The following SH3PXD2A variants were observed in gnomAD, a reference collection of about 807,000 sequenced individuals.
SH3PXD2A encodes SH3 and PX domains 2A.
SH3PXD2A carries 32 observed loss-of-function variants against 115.2 expected under a neutral mutation model. The ratio of observed to expected loss-of-function variants is 0.28; its 90% CI spans 0.21 to 0.37. The LOEUF (loss-of-function observed/expected upper bound fraction) is 0.37. Among genes scored for constraint, SH3PXD2A ranks in the 10% least tolerant of loss-of-function variants. SH3PXD2A has a pLI of 1.00. For missense variants in SH3PXD2A, 1,328 were observed against 1,498.7 expected (o/e 0.89, Z 1.88); for synonymous variants, 610 against 629.1 (o/e 0.97, Z 0.45).
At chr10:103,727,700 C>T (rs767674106) in intron 4 of SH3PXD2A, among the ~76,000 whole-genome samples, 2 of 152,218 alleles carry the variant, frequency 1.3e-5, no homozygotes, top group African/African-American at 2.4e-5. Flanking sequence ...ACCCACATTC[C>T]GGAGGCAGAG....
chr10:103,811,613 C>T (rs1342666263), intron 1 of SH3PXD2A, among the ~76,000 whole-genome samples: 4 of 152,156 alleles, frequency 2.6e-5, no homozygotes, highest in South Asian at 2.1e-4. Flanking sequence ...TCTTTAATAA[C>T]GACAGCAGAC....
intron 2 of SH3PXD2A, among the ~76,000 whole-genome samples, chr10:103,782,758 A>G (rs965499935): frequency 7.5e-6 from 1 of 133,488 alleles, no homozygotes; most frequent in Non-Finnish European, 1.6e-5. Context: ...AGACTTTGGG[A>G]GGCTGAGGTG....
rs1229284406 is a variant in SH3PXD2A, at chr10:103,603,256, C to T, written c.1962G>A (p.Arg654=). ...SPGSSSLSLT[R]KNSPKSGSPK... is the part of the protein sequence containing the mutation. ...GGGAGCCTGATTTGGGGGAGTTTTTCCTGGTCAGGGACAGCGAGGAGCTGC... is the reference window on the plus strand; with the variant it reads ...GGGAGCCTGATTTGGGGGAGTTTTTTCTGGTCAGGGACAGCGAGGAGCTGC... Residue 654 remains arginine (R), a synonymous_variant, in exon 15 of 15, where the codon AGG becomes AGA. Coordinates refer to ENST00000369774, the MANE Select transcript of SH3PXD2A (RefSeq NM_001394015.1). 6 of 1,614,060 alleles carry T rather than the reference C, an allele frequency of 3.7e-6. No individual in the cohort carries two copies. The highest frequency in any genetic ancestry group is 3.4e-6 in the Non-Finnish European group (4 of 1,180,020).
rs911673232 is a variant in SH3PXD2A at position 103,594,339 on chromosome 10, C to A, written c.*7477G>T. 1 of 152,668 alleles carries A rather than the reference C, an allele frequency of 6.6e-6. No individual in the cohort carries two copies. Among genetic ancestry groups the A allele is most frequent in the African/African-American group, 2.4e-5 (1 of 41,466 alleles). The allele number at this position is 152,668 out of a possible 1,614,324, so 9.5% of individuals were successfully genotyped here. On this transcript the variant is annotated 3_prime_UTR_variant, in exon 15 of 15. Transcript: ENST00000369774. ...TTGATTCTGGAAATATTTCAGCACT[C>A]AAATCGACTGCACTGAGTTTAATGT...
intron 2 of SH3PXD2A, among the ~76,000 whole-genome samples, chr10:103,786,864 G>T (rs528839233): frequency 6.6e-6 from 1 of 152,070 alleles, no homozygotes; most frequent in Non-Finnish European, 1.5e-5. Flanking sequence ...AACCTCCCCT[G>T]CCTCAGGAGG....
intron 9 of SH3PXD2A, 83 bp from the exon 10 acceptor site, chr10:103,622,636 TG>T: frequency 4.3e-6 from 2 of 465,026 alleles, no homozygotes; most frequent in Non-Finnish European, 8.1e-6. Flanking sequence ...GGGATGGGGG[TG>T]GGAGGAAGGG....
At chr10:103,716,604 C>T (rs1232833813) in intron 5 of SH3PXD2A, among the ~76,000 whole-genome samples, 1 of 152,180 alleles carries the variant, frequency 6.6e-6, no homozygotes, top group Non-Finnish European at 1.5e-5. Context: ...ACTGTCTACC[C>T]ACTGTGTGGG....
chr10:103,800,145 C>T (rs1055853973), intron 2 of SH3PXD2A, among the ~76,000 whole-genome samples: 3 of 152,108 alleles, frequency 2.0e-5, no homozygotes, highest in Non-Finnish European at 2.9e-5. Context: ...CTCACAACCC[C>T]GAGAGGAATC....
Position 103,597,863 on chromosome 10 carries a change from A to G in SH3PXD2A, c.*3953T>C, listed in dbSNP as rs955157401. 6.6e-6 allele frequency: 1 copy of G among 152,594 alleles called. No individual in the cohort carries two copies. Among genetic ancestry groups the G allele is most frequent in the African/African-American group, 2.4e-5 (1 of 41,452 alleles). 9.5% of individuals were successfully genotyped at this position (152,594 alleles called of 1,614,324 possible). On this transcript the variant is annotated 3_prime_UTR_variant, in exon 15 of 15. Transcript: ENST00000369774. ...AGAAATAATATATTAGTTAAATACA[A>G]TAACAGGAAAAATAGGGGTTATTTT...
Position 103,629,168 on chromosome 10 carries a change from G to T in SH3PXD2A, c.605-1966C>A, listed in dbSNP as rs147445567. Among the ~76,000 whole-genome samples the T allele has an allele frequency of 3.5e-4, 54 of 152,330 alleles. No individual in the cohort carries two copies. In the East Asian group the frequency reaches 9.1e-3, roughly 26 times the overall value. ...TTGGTCTGAGGCTGGAAGAGGGCAGGTGGGCATCATCGGCAGGCTGGATAG... is the reference window on the plus strand; with the variant it reads ...TTGGTCTGAGGCTGGAAGAGGGCAGTTGGGCATCATCGGCAGGCTGGATAG... On this transcript the variant is annotated intron_variant, in intron 8 of 14. Coordinates refer to ENST00000369774, the MANE Select transcript of SH3PXD2A (RefSeq NM_001394015.1).
intron 5 of SH3PXD2A, among the ~76,000 whole-genome samples, chr10:103,708,197 G>A (rs1487419931): frequency 2.0e-5 from 3 of 152,174 alleles, no homozygotes; most frequent in East Asian, 1.9e-4. Context: ...CTTTGTTGGC[G>A]CCGACCTCAG....
At position 103,601,296 on chromosome 10, in the gene SH3PXD2A, C is replaced by T. The variant is rs546835945; in HGVS notation, c.*520G>A. 57 of 153,078 alleles carry T rather than the reference C, an allele frequency of 3.7e-4. No individual in the cohort carries two copies. The highest frequency in any genetic ancestry group is 7.9e-4 in the Non-Finnish European group (54 of 68,404). 9.5% of individuals were successfully genotyped at this position (153,078 alleles called of 1,614,324 possible). A position where few individuals can be genotyped will look rare whatever the true frequency, so the allele number is the denominator to read the frequency against. ...AAAGCCAGTGGTGGCTTCTAATGTA[C>T]CCACCTGTGGTAGGCGTGGCAATGC... is the stretch of plus-strand genomic sequence containing the variant. On this transcript the variant is annotated 3_prime_UTR_variant, in exon 15 of 15. Coordinates refer to ENST00000369774, the MANE Select transcript of SH3PXD2A (RefSeq NM_001394015.1).
chr10:103,637,987 C>T (rs536404819), intron 8 of SH3PXD2A, among the ~76,000 whole-genome samples: 1 of 152,336 alleles, frequency 6.6e-6, no homozygotes, highest in African/African-American at 2.4e-5. Flanking sequence ...AAAGGCTGCC[C>T]ACCCTCGGCC....
At chr10:103,630,969 C>T (rs1443122206) in intron 8 of SH3PXD2A, among the ~76,000 whole-genome samples, 1 of 152,148 alleles carries the variant, frequency 6.6e-6, no homozygotes, top group Non-Finnish European at 1.5e-5. Context: ...ATGCCTGAAA[C>T]TGCAGATGGT....
chr10:103,739,401 A>G (rs1211357897), intron 3 of SH3PXD2A, among the ~76,000 whole-genome samples: 2 of 152,148 alleles, frequency 1.3e-5, no homozygotes, highest in African/African-American at 4.8e-5. Context: ...TGAAATCCTG[A>G]CAGGAGCAAC....
At chr10:103,638,308 GTCCGTGTCAAGA>G (rs1439679500) in intron 8 of SH3PXD2A, among the ~76,000 whole-genome samples, 1 of 152,210 alleles carries the variant, frequency 6.6e-6, no homozygotes, top group African/African-American at 2.4e-5. Context: ...GCTCCGTGGA[GTCCGTGTCAAGA>G]CAGCCTGGGC....
chr10:103,615,484 GT>G (rs1318837582), intron 11 of SH3PXD2A, among the ~76,000 whole-genome samples: 86 of 4,070 alleles, frequency 0.021, no homozygotes, highest in African/African-American at 0.051. Flanking sequence ...GAGTGCGAGG[GT>G]GTGTGTGTGT....
chr10:103,758,063 T>C (rs536715343), intron 3 of SH3PXD2A, among the ~76,000 whole-genome samples: 3 of 152,294 alleles, frequency 2.0e-5, no homozygotes, highest in African/African-American at 7.2e-5. Flanking sequence ...CACCAAACCA[T>C]GATCAACCCA....
intron 1 of SH3PXD2A, among the ~76,000 whole-genome samples, chr10:103,854,037 T>A (rs114157997): frequency 5.5e-4 from 84 of 152,100 alleles, no homozygotes; most frequent in Admixed American, 2.1e-3. Context: ...CTCCTCCCCA[T>A]ATGAGCCCAG....
Sources: gnomAD v4.1 joint callset for allele counts (sites outside exome capture counted in the v4.1 genomes callset) on GRCh38, gnomAD v4.1.1 for gene constraint, MANE v1.5 for transcripts, NCBI Gene and HGNC (gene_info 2026-07-23, HGNC 2026-07-21) for gene names.